The following HSD17B4 variants were observed in gnomAD, a reference collection of about 807,000 sequenced individuals.
HSD17B4 encodes the protein peroxisomal multifunctional enzyme type 2.
Under a neutral mutation model 101.0 loss-of-function variants are expected in HSD17B4, and 70 were observed. That is an observed-to-expected ratio of 0.69 (90% CI 0.57 to 0.85). HSD17B4 has a LOEUF of 0.85. Among genes scored for constraint, HSD17B4 ranks in the 40% least tolerant of loss-of-function variants. The pLI is 0.00. For synonymous variants in HSD17B4, 347 were observed against 297.1 expected (o/e 1.17, Z -1.73); for missense variants, 984 against 892.4 (o/e 1.10, Z -1.31).
intron 8 of HSD17B4, among the ~76,000 whole-genome samples, chr5:119,479,840 C>T (rs1580565092): frequency 1.3e-5 from 2 of 151,980 alleles, no homozygotes; most frequent in African/African-American, 4.8e-5. Flanking sequence ...GTTTTTAAGT[C>T]GTGTAAATAC....
intron 23 of HSD17B4, 101 bp downstream of exon 23, chr5:119,536,651 T>C (rs1754567549): frequency 1.8e-6 from 2 of 1,106,850 alleles, no homozygotes; most frequent in Non-Finnish European, 2.7e-6. Flanking sequence ...ATAAGCCAGG[T>C]TTCTTACAAC....
chr5:119,530,681 C>T (rs1000574914), intron 21 of HSD17B4, among the ~76,000 whole-genome samples: 5 of 150,838 alleles, frequency 3.3e-5, no homozygotes, highest in African/African-American at 1.2e-4. Context: ...GGTGAGACTC[C>T]ATCTCTACTA....
chr5:119,513,307 C>G (rs1443921272), intron 16 of HSD17B4, among the ~76,000 whole-genome samples: 1 of 152,186 alleles, frequency 6.6e-6, no homozygotes, highest in Non-Finnish European at 1.5e-5. Context: ...GGGTAAAATA[C>G]AAGTCTGAGG....
At chr5:119,504,642 T>G (rs1443084682) in intron 14 of HSD17B4, among the ~76,000 whole-genome samples, 1 of 152,158 alleles carries the variant, frequency 6.6e-6, no homozygotes, top group East Asian at 1.9e-4. Context: ...GTTTTTTGCT[T>G]GTTGAACTAC....
At chr5:119,493,982 G>T in intron 11 of HSD17B4, 36 bp downstream of exon 11, 5 of 1,609,906 alleles carry the variant, frequency 3.1e-6, no homozygotes, top group Non-Finnish European at 4.2e-6. Context: ...CCTGGTTGGG[G>T]AATCAGAGGC....
chr5:119,480,798 C>CG (rs1053942107), intron 8 of HSD17B4, among the ~76,000 whole-genome samples: 24 of 152,048 alleles, frequency 1.6e-4, no homozygotes, highest in Admixed American at 7.2e-4. Flanking sequence ...AGGTACGCCC[C>CG]GGGGGGGCCA....
At position 119,496,666 on chromosome 5, in the gene HSD17B4, A is replaced by G. The variant is rs780881020; in HGVS notation, c.972+20A>G. The G allele has an allele frequency of 7.5e-7, 1 of 1,339,474 alleles. No individual in the cohort carries two copies. The highest frequency in any genetic ancestry group is 1.7e-5 in the Admixed American group (1 of 59,708). The allele number at this position is 1,339,474 out of a possible 1,614,324, so 83.0% of individuals were successfully genotyped here. A position where few individuals can be genotyped will look rare whatever the true frequency, so the allele number is the denominator to read the frequency against. On this transcript the variant is annotated intron_variant, in intron 12 of 23. Transcript: ENST00000510025. The stretch of plus-strand genomic sequence containing the variant: ...GGATTTGTAAGTGGGAAAAAAGCCT[A>G]AAGCGTTTGCCTTCTCTGGAGACTT...
chr5:119,518,100 C>T (rs893481463), intron 17 of HSD17B4, among the ~76,000 whole-genome samples: 2 of 152,154 alleles, frequency 1.3e-5, no homozygotes, highest in East Asian at 3.9e-4. Flanking sequence ...TGGCAACCCG[C>T]TCCGGTCCCC....
rs572100239 is a variant in HSD17B4, at chr5:119,508,996, C to G, written c.1334-145C>G. 26 of 635,894 alleles carry G rather than the reference C, an allele frequency of 4.1e-5. 1 individual carries two copies. In the East Asian group the frequency reaches 6.9e-4, roughly 17 times the overall value. The allele number at this position is 635,894 out of a possible 1,614,324, so 39.4% of individuals were successfully genotyped here. A position where few individuals can be genotyped will look rare whatever the true frequency, so the allele number is the denominator to read the frequency against. ...TAAAATGAATGCTTTGTAATCCAAA[C>G]TTGGACACCTTTACATGTTAGAACT... is the stretch of plus-strand genomic sequence containing the variant. On this transcript the variant is annotated intron_variant, in intron 15 of 23. Coordinates refer to ENST00000510025, the MANE Select transcript of HSD17B4 (RefSeq NM_000414.4).
At chr5:119,494,940 A>G (rs1379893226) in intron 11 of HSD17B4, among the ~76,000 whole-genome samples, 3 of 152,166 alleles carry the variant, frequency 2.0e-5, no homozygotes, top group African/African-American at 7.2e-5. Context: ...TTCTGAAAAG[A>G]TCATGAGTCA....
At chr5:119,453,834 T>G (rs974470183) in intron 1 of HSD17B4, among the ~76,000 whole-genome samples, 9 of 152,264 alleles carry the variant, frequency 5.9e-5, no homozygotes, top group Admixed American at 6.5e-5. Flanking sequence ...TGTTTACACT[T>G]TGCTTTTATT....
chr5:119,500,926 G>A lies in HSD17B4; in HGVS notation c.1210-1115G>A, dbSNP rs538680602. Among the ~76,000 whole-genome samples, 253 of 152,128 alleles carry A rather than the reference G, an allele frequency of 1.7e-3. 6 individuals carry two copies. In the South Asian group the frequency reaches 0.046, roughly 28 times the overall value. On this transcript the variant is annotated intron_variant, in intron 13 of 23. Transcript: ENST00000510025. ...CCTGGTAATAATTTTTGAATCATGG[G>A]GCTATGAGCTGGTATCTGTAACTTT...
At chr5:119,465,261 T>C (rs1302059838) in intron 2 of HSD17B4, among the ~76,000 whole-genome samples, 1 of 152,226 alleles carries the variant, frequency 6.6e-6, no homozygotes, top group Admixed American at 6.5e-5. Context: ...CTTTCTGGTT[T>C]CTTTTTCAGC....
At chr5:119,480,015 A>G (rs913150189) in intron 8 of HSD17B4, among the ~76,000 whole-genome samples, 2 of 151,954 alleles carry the variant, frequency 1.3e-5, no homozygotes, top group African/African-American at 4.8e-5. Flanking sequence ...TATTGTCAGT[A>G]TTTTGGATTT....
chr5:119,473,934 G>A lies in HSD17B4; in HGVS notation c.139G>A (p.Gly47Arg). ...VVNDLGGDFK[G>R]VGKGSLAADK... ...GAATGATTTGGGAGGGGACTTCAAAGGAGTTGGTAAAGGCTCCTTAGCTGC... is the reference window on the plus strand; with the variant it reads ...GAATGATTTGGGAGGGGACTTCAAAAGAGTTGGTAAAGGCTCCTTAGCTGC... The change falls in exon 3 of 24, where the codon GGA becomes AGA. Residue 47 changes from glycine (G) to arginine (R), a missense_variant. By Grantham distance (125) the Gly-to-Arg change is moderately radical. Coordinates refer to ENST00000510025, the MANE Select transcript of HSD17B4 (RefSeq NM_000414.4). 6.2e-7 allele frequency: 1 copy of A among 1,610,166 alleles called. No individual in the cohort carries two copies.
intron 17 of HSD17B4, among the ~76,000 whole-genome samples, chr5:119,516,771 A>G (rs942793403): frequency 3.9e-5 from 6 of 152,240 alleles, no homozygotes; most frequent in African/African-American, 1.4e-4. Flanking sequence ...CAAGGAAGGG[A>G]AGGAACACTT....
At chr5:119,495,223 CAAATG>C (rs1039559894) in intron 11 of HSD17B4, among the ~76,000 whole-genome samples, 2 of 151,890 alleles carry the variant, frequency 1.3e-5, no homozygotes, top group African/African-American at 4.8e-5. Context: ...TCCATGAAAA[CAAATG>C]AAAGAAAAGT....
rs190094694 is a variant in HSD17B4, at chr5:119,479,706, A to G, written c.622+685A>G. ...TTATTTTTCAGTAATATTCCGTGGTATGAATGTACTACAATTTGTTTATTC... is the reference window on the plus strand; with the variant it reads ...TTATTTTTCAGTAATATTCCGTGGTGTGAATGTACTACAATTTGTTTATTC... On this transcript the variant is annotated intron_variant, in intron 8 of 23. Coordinates refer to ENST00000510025, the MANE Select transcript of HSD17B4 (RefSeq NM_000414.4). Among the ~76,000 whole-genome samples, 63 of 152,248 alleles carry G rather than the reference A, an allele frequency of 4.1e-4. 1 individual carries two copies. Among genetic ancestry groups the G allele is most frequent in the African/African-American group, 1.5e-3 (61 of 41,538 alleles).
At position 119,536,447 on chromosome 5, in the gene HSD17B4, G is replaced by A. The variant is rs879556155; in HGVS notation, c.2018G>A (p.Gly673Glu). The change falls in exon 23 of 24, where the codon GGA becomes GAA. Residue 673 changes from glycine (G) to glutamate (E), a missense_variant. Coordinates refer to ENST00000510025, the MANE Select transcript of HSD17B4 (RefSeq NM_000414.4). ...KWTIDLKSGS[G>E]KVYQGPAKGA... ...GCTATTGACCTGAAAAGTGGTTCTG[G>A]AAAAGTGTACCAAGGCCCTGCAAAA... 1.5e-5 allele frequency: 24 copies of A among 1,612,418 alleles called. No homozygotes were observed. Among genetic ancestry groups the A allele is most frequent in the Non-Finnish European group, 2.0e-5 (24 of 1,178,790 alleles).
Sources: allele counts gnomAD v4.1 joint callset (sites outside exome capture counted in the v4.1 genomes callset), GRCh38; gene constraint gnomAD v4.1.1; transcripts MANE v1.5; gene names NCBI Gene and HGNC (gene_info 2026-07-23, HGNC 2026-07-21).